The following RAP1GAP2 variants were observed in gnomAD, a reference collection of about 807,000 sequenced individuals.
RAP1GAP2 encodes RAP1 GTPase activating protein 2.
A neutral mutation model predicts 95.0 loss-of-function variants in RAP1GAP2; 27 were observed. The ratio of observed to expected loss-of-function variants is 0.28; its 90% CI spans 0.21 to 0.39. The LOEUF is 0.39. Ranked by LOEUF, RAP1GAP2 falls within the 10% of genes least tolerant of loss-of-function variation. The pLI is 1.00. For synonymous variants in RAP1GAP2, 373 were observed against 380.9 expected (o/e 0.98, Z 0.24); for missense variants, 771 against 970.0 (o/e 0.79, Z 2.72).
chr17:2,785,027 C>T (rs527918237), intron 1 of RAP1GAP2, among the ~76,000 whole-genome samples: 28 of 152,282 alleles, frequency 1.8e-4, no homozygotes, highest in African/African-American at 6.3e-4. Context: ...CATCTGCCTG[C>T]GGCATCATCC....
intron 2 of RAP1GAP2, among the ~76,000 whole-genome samples, chr17:2,829,426 G>A (rs1025001366): frequency 1.3e-5 from 2 of 151,998 alleles, no homozygotes; most frequent in Non-Finnish European, 2.9e-5. Context: ...TCGTGACCCC[G>A]TCGGTAGAAA....
At chr17:2,927,436 AG>A (rs1194716105) in intron 3 of RAP1GAP2, among the ~76,000 whole-genome samples, 1 of 151,490 alleles carries the variant, frequency 6.6e-6, no homozygotes, top group East Asian at 1.9e-4. Context: ...TACAGGCGTG[AG>A]CCACCGCGCC....
chr17:2,921,314 C>T (rs1367323762), intron 3 of RAP1GAP2, among the ~76,000 whole-genome samples: 2 of 152,066 alleles, frequency 1.3e-5, no homozygotes, highest in Non-Finnish European at 2.9e-5. Context: ...AATTCTCCTG[C>T]CTCAGCCTCC....
intron 3 of RAP1GAP2, among the ~76,000 whole-genome samples, chr17:2,932,689 G>A (rs899785981): frequency 6.7e-6 from 1 of 150,176 alleles, no homozygotes; most frequent in Non-Finnish European, 1.5e-5. Flanking sequence ...GGTGGCGGGC[G>A]CCTGTAATCC....
At position 2,902,360 on chromosome 17, in the gene RAP1GAP2, GC is replaced by G. The variant is rs2042052524; in HGVS notation, c.81-2923del. On this transcript the variant is annotated intron_variant, in intron 2 of 24. Coordinates refer to ENST00000254695, the MANE Select transcript of RAP1GAP2 (RefSeq NM_015085.5). The surrounding 1 kb of genome is among the most constrained non-coding windows in gnomAD (Gnocchi z 4.1). Reference sequence around the variant, plus strand: ...GCCTCCCAAGTAGCTCGGATGACAGGCACACGCCACCATGCCTGGCTAATTT... The same window carrying G: ...GCCTCCCAAGTAGCTCGGATGACAGGACACGCCACCATGCCTGGCTAATTT... Among the ~76,000 whole-genome samples the G allele has an allele frequency of 6.6e-6, 1 of 152,122 alleles. No homozygotes were observed. Among genetic ancestry groups the G allele is most frequent in the Non-Finnish European group, 1.5e-5 (1 of 67,994 alleles).
At chr17:2,822,886 G>A (rs368897961) in intron 2 of RAP1GAP2, among the ~76,000 whole-genome samples, 1 of 152,078 alleles carries the variant, frequency 6.6e-6, no homozygotes, top group African/African-American at 2.4e-5. Context: ...TTGAGCGGCT[G>A]AGGCAGCTGT....
Position 2,957,926 on chromosome 17 carries a change from C to T in RAP1GAP2, c.201+132C>T. Reference sequence around the variant, plus strand: ...GTGCAGAGAAGAGACAATTGCATCCCCTTGGCCCAGACAACCTGAGGCCAT... The same window carrying T: ...GTGCAGAGAAGAGACAATTGCATCCTCTTGGCCCAGACAACCTGAGGCCAT... On this transcript the variant is annotated intron_variant, in intron 4 of 24. Transcript: ENST00000254695. The T allele has an allele frequency of 3.0e-6, 3 of 1,005,650 alleles. 1 individual carries two copies. The highest frequency in any genetic ancestry group is 4.7e-4 in the Middle Eastern group (2 of 4,256). 62.3% of individuals were successfully genotyped at this position (1,005,650 alleles called of 1,614,324 possible).
chr17:2,960,515 T>C (rs1185482087), intron 4 of RAP1GAP2, among the ~76,000 whole-genome samples: 1 of 152,222 alleles, frequency 6.6e-6, no homozygotes, highest in Non-Finnish European at 1.5e-5. Context: ...AGAGGCTGCA[T>C]GTCAATCCAC....
intron 2 of RAP1GAP2, among the ~76,000 whole-genome samples, chr17:2,803,358 A>T (rs1332760990): frequency 1.3e-5 from 2 of 152,204 alleles, no homozygotes; most frequent in African/African-American, 2.4e-5. Context: ...GTTACGCAAA[A>T]GATGGAATTT....
intron 2 of RAP1GAP2, among the ~76,000 whole-genome samples, chr17:2,847,908 T>TTCACTGTGG (rs2071658401): frequency 6.6e-6 from 1 of 152,352 alleles, no homozygotes; most frequent in South Asian, 2.1e-4. Context: ...AGGATCCTTT[T>TTCACTGTGG]GAATTTTTTC....
At chr17:2,785,501 T>C (rs2068751417) in intron 1 of RAP1GAP2, among the ~76,000 whole-genome samples, 1 of 152,172 alleles carries the variant, frequency 6.6e-6, no homozygotes, top group Non-Finnish European at 1.5e-5. Context: ...ACCCCTGACC[T>C]AAACTACTTT....
intron 3 of RAP1GAP2, 53 bp from the exon 4 acceptor site, chr17:2,957,706 G>T (rs368581626): frequency 5.7e-6 from 9 of 1,572,372 alleles, no homozygotes; most frequent in Admixed American, 1.8e-5. Context: ...GGCTTTTGCT[G>T]TGGACCTCCC....
chr17:2,927,395 C>T (rs188970215), intron 3 of RAP1GAP2, among the ~76,000 whole-genome samples: 24 of 152,212 alleles, frequency 1.6e-4, no homozygotes, highest in East Asian at 9.7e-4. Context: ...CCTCGTGATC[C>T]GCCCGCCTTG....
chr17:3,012,671 T>C (rs2046598950), intron 17 of RAP1GAP2, among the ~76,000 whole-genome samples: 1 of 144,854 alleles, frequency 6.9e-6, no homozygotes, highest in Admixed American at 6.9e-5. Flanking sequence ...AATTAAGAGA[T>C]GTTCCTATAG....
At chr17:2,918,071 G>A (rs2042627811) in intron 3 of RAP1GAP2, among the ~76,000 whole-genome samples, 1 of 151,766 alleles carries the variant, frequency 6.6e-6, no homozygotes, top group African/African-American at 2.4e-5. Context: ...TTCCTCATTT[G>A]TAGAATAGGG....
At chr17:2,931,029 G>A (rs997281972) in intron 3 of RAP1GAP2, among the ~76,000 whole-genome samples, 5 of 149,646 alleles carry the variant, frequency 3.3e-5, no homozygotes, top group African/African-American at 1.2e-4. Flanking sequence ...GGCTGAGGCA[G>A]GAGAATCGCT....
Position 2,904,870 on chromosome 17 carries a change from T to C in RAP1GAP2, c.81-414T>C, listed in dbSNP as rs2042148360. ...GTAAAGAAAATGCTCCCAATTCTGG[T>C]TTCTGCATTGTATTTTTTTTTTTAA... On this transcript the variant is annotated intron_variant, in intron 2 of 24. Coordinates refer to ENST00000254695, the MANE Select transcript of RAP1GAP2 (RefSeq NM_015085.5). The surrounding 1 kb of genome is among the most constrained non-coding windows in gnomAD (Gnocchi z 4.7). Among the ~76,000 whole-genome samples, 1 of 151,650 alleles carries C rather than the reference T, an allele frequency of 6.6e-6. No homozygotes were observed. Among genetic ancestry groups the C allele is most frequent in the Non-Finnish European group, 1.5e-5 (1 of 67,868 alleles).
chr17:2,995,059 C>T (rs1276717199), intron 12 of RAP1GAP2, among the ~76,000 whole-genome samples: 3 of 152,224 alleles, frequency 2.0e-5, no homozygotes, highest in Non-Finnish European at 2.9e-5. Flanking sequence ...AGGTGATCTG[C>T]CTGCCTCGGC....
intron 10 of RAP1GAP2, among the ~76,000 whole-genome samples, chr17:2,983,473 G>A (rs1290890936): frequency 1.3e-5 from 2 of 152,060 alleles, no homozygotes; most frequent in Admixed American, 6.6e-5. Flanking sequence ...AAGATATTGC[G>A]CCATCTTTGT....
Sources: gnomAD v4.1 joint callset for allele counts (sites outside exome capture counted in the v4.1 genomes callset) on GRCh38, gnomAD v4.1.1 for gene constraint, Gnocchi (gnomAD v3.1) non-coding constraint, MANE v1.5 for transcripts, NCBI Gene and HGNC (gene_info 2026-07-23, HGNC 2026-07-21) for gene names.